The following NBEAL1 variants were observed in gnomAD, a reference collection of about 807,000 sequenced individuals.
The protein encoded by NBEAL1 is neurobeachin-like protein 1.
NBEAL1 carries 273 observed loss-of-function variants against 351.3 expected under a neutral mutation model. The ratio of observed to expected loss-of-function variants is 0.78; its 90% CI spans 0.70 to 0.86. NBEAL1 has a LOEUF of 0.86. Among genes scored for constraint, NBEAL1 ranks in the 40% least tolerant of loss-of-function variants. NBEAL1 has a pLI of 0.00. For synonymous variants in NBEAL1, 1,050 were observed against 1,086.4 expected (o/e 0.97, Z 0.66); for missense variants, 2,961 against 3,201.3 (o/e 0.92, Z 1.81).
intron 2 of NBEAL1, among the ~76,000 whole-genome samples, chr2:203,024,377 A>G (rs767978564): frequency 6.6e-6 from 1 of 151,200 alleles, no homozygotes; most frequent in Non-Finnish European, 1.5e-5. Context: ...GGCCAACATG[A>G]TGTAACCTCA....
At chr2:203,201,817 T>A in intron 50 of NBEAL1, 102 bp downstream of exon 50, 1 of 897,396 alleles carries the variant, frequency 1.1e-6, no homozygotes, top group Non-Finnish European at 1.6e-6. Context: ...ATTTTACCTT[T>A]GAAGCTGAGT....
chr2:203,169,977 A>G lies in NBEAL1; in HGVS notation c.6102+126A>G, dbSNP rs1484773016. 3.7e-5 allele frequency: 23 copies of G among 616,634 alleles called. No individual in the cohort carries two copies. In the South Asian group the frequency reaches 4.4e-4, roughly 12 times the overall value. The allele number at this position is 616,634 out of a possible 1,614,324, so 38.2% of individuals were successfully genotyped here. A position where few individuals can be genotyped will look rare whatever the true frequency, so the allele number is the denominator to read the frequency against. ...TCCATTCAGACTGATCTTTTGAATT[A>G]TCTTTGAATCTTCCTTTGTTTCCCT... On this transcript the variant is annotated intron_variant, in intron 39 of 55. Transcript: ENST00000683969.
chr2:203,065,596 CA>C (rs1483585350), intron 6 of NBEAL1, among the ~76,000 whole-genome samples: 1 of 151,906 alleles, frequency 6.6e-6, no homozygotes, highest in African/African-American at 2.4e-5. Flanking sequence ...ACTAAAAATA[CA>C]AAAAATTAGC....
At chr2:203,057,859 CAG>C (rs948444366) in intron 6 of NBEAL1, among the ~76,000 whole-genome samples, 11 of 140,860 alleles carry the variant, frequency 7.8e-5, no homozygotes, top group African/African-American at 2.9e-4. Flanking sequence ...CTTTTTGAGA[CAG>C]AGTCTTGCTC....
In NBEAL1 at chr2:203,211,049, G is replaced by C. The variant is rs775046078; in HGVS notation, c.7877G>C (p.Gly2626Ala). 47 of 1,607,376 alleles carry C rather than the reference G, an allele frequency of 2.9e-5. No homozygotes were observed. Among genetic ancestry groups the C allele is most frequent in the Non-Finnish European group, 3.8e-5 (45 of 1,176,450 alleles). Residue 2626 changes from glycine (G) to alanine (A), a missense_variant, in exon 54 of 56, where the codon GGA becomes GCA. By Grantham distance (60) the Gly-to-Ala change is moderately conservative. Coordinates refer to ENST00000683969, the MANE Select transcript of NBEAL1 (RefSeq NM_001378026.1). Reference protein sequence around the residue: ...KEQVSDICIIGEHIVTGSIQG... With the variant: ...KEQVSDICIIAEHIVTGSIQG... The stretch of plus-strand genomic sequence containing the variant: ...CAAGTATCAGATATATGTATAATCG[G>C]AGAACACATTGTCACAGGCAGCATA...
chr2:203,185,917 A>G (rs2064884667), intron 44 of NBEAL1, among the ~76,000 whole-genome samples: 1 of 152,238 alleles, frequency 6.6e-6, no homozygotes, highest in South Asian at 2.1e-4. Flanking sequence ...TAACAGTGAG[A>G]AAGAATTTGT....
chr2:203,058,871 A>G (rs933232430), intron 6 of NBEAL1, among the ~76,000 whole-genome samples: 5 of 152,220 alleles, frequency 3.3e-5, no homozygotes, highest in African/African-American at 4.8e-5. Flanking sequence ...AATTACCAGT[A>G]CAGAACTCAA....
chr2:203,052,438 G>A (rs2061339182), intron 4 of NBEAL1: 1 of 152,230 alleles, frequency 6.6e-6, no homozygotes, highest in Non-Finnish European at 1.5e-5. Context: ...ATATTTTAAT[G>A]GTGTCTTTAG....
intron 18 of NBEAL1, among the ~76,000 whole-genome samples, chr2:203,119,399 G>A (rs939420322): frequency 7.2e-6 from 1 of 138,106 alleles, no homozygotes; most frequent in African/African-American, 2.6e-5. Flanking sequence ...GATTACAGGC[G>A]TGAGCCACTG....
At chr2:203,161,560 C>T (rs75568136) in intron 36 of NBEAL1, among the ~76,000 whole-genome samples, 2,294 of 151,604 alleles carry the variant, frequency 0.015, 22 homozygotes, top group Non-Finnish European at 0.021. Context: ...ACTCAGGAGG[C>T]GGAGGTTGCA....
chr2:203,224,197 G>A lies in NBEAL1; in HGVS notation c.*6843G>A, dbSNP rs1393804928. Among the ~76,000 whole-genome samples the A allele has an allele frequency of 6.6e-6, 1 of 151,672 alleles. No homozygotes were observed. Among genetic ancestry groups the A allele is most frequent in the Non-Finnish European group, 1.5e-5 (1 of 67,800 alleles). Reference sequence around the variant, plus strand: ...TTTTTTTCCTATTCTGCTTTTTGCTGCTCTCAAAGACTGTGATTGATGAAC... The same window carrying A: ...TTTTTTTCCTATTCTGCTTTTTGCTACTCTCAAAGACTGTGATTGATGAAC... On this transcript the variant is annotated 3_prime_UTR_variant, in exon 56 of 56. Transcript: ENST00000683969.
At position 203,116,053 on chromosome 2, in the gene NBEAL1, C is replaced by T; in HGVS notation, c.2575C>T (p.Leu859Phe). Residue 859 changes from leucine (L) to phenylalanine (F), a missense_variant, in exon 18 of 56, where the codon CTT becomes TTT. Physicochemically the swap from Leu to Phe is conservative, Grantham distance 22. Transcript: ENST00000683969. ...DMADLPGNIL[L>F]YYTAKACKNS... Reference sequence around the variant, plus strand: ...GGCCGACCTGCCTGGTAACATCCTTCTTTACTACACAGCAAAGGTCAGAGT... The same window carrying T: ...GGCCGACCTGCCTGGTAACATCCTTTTTTACTACACAGCAAAGGTCAGAGT... 5 of 1,553,046 alleles carry T rather than the reference C, an allele frequency of 3.2e-6. No homozygotes were observed. The highest frequency in any genetic ancestry group is 4.4e-6 in the Non-Finnish European group (5 of 1,146,902).
At chr2:203,036,577 T>C (rs953936882) in intron 2 of NBEAL1, among the ~76,000 whole-genome samples, 1 of 149,290 alleles carries the variant, frequency 6.7e-6, no homozygotes, top group Non-Finnish European at 1.5e-5. Flanking sequence ...ATCTTCTTCA[T>C]TGGATAGTTG....
At chr2:203,180,643 C>T (rs1426320230) in intron 43 of NBEAL1, 131 bp downstream of exon 43, 1 of 833,438 alleles carries the variant, frequency 1.2e-6, no homozygotes, top group South Asian at 1.8e-5. Flanking sequence ...TACTTAGTGA[C>T]AGGGCTGAAC....
rs576700682 is a variant in NBEAL1 at position 203,068,303 on chromosome 2, A to G, written c.516-90A>G. ...TAGTTCAAGACACAAATCAAAAGTAATATTAAATTTGTTTTATAATTGTTT... is the reference window on the plus strand; with the variant it reads ...TAGTTCAAGACACAAATCAAAAGTAGTATTAAATTTGTTTTATAATTGTTT... On this transcript the variant is annotated intron_variant, in intron 6 of 55. Transcript: ENST00000683969. 4.2e-5 allele frequency: 25 copies of G among 597,298 alleles called. No homozygotes were observed. In the East Asian group the frequency reaches 4.7e-4, roughly 11 times the overall value. 37.0% of individuals were successfully genotyped at this position (597,298 alleles called of 1,614,324 possible).
At chr2:203,020,853 ACTT>A (rs1574854849) in intron 2 of NBEAL1, among the ~76,000 whole-genome samples, 2 of 152,108 alleles carry the variant, frequency 1.3e-5, no homozygotes, top group African/African-American at 4.8e-5. Flanking sequence ...GTAGTTAACT[ACTT>A]CTTGTCTGAG....
At chr2:203,196,525 G>C (rs908519316) in intron 47 of NBEAL1, among the ~76,000 whole-genome samples, 1 of 152,094 alleles carries the variant, frequency 6.6e-6, no homozygotes, top group Non-Finnish European at 1.5e-5. Flanking sequence ...TTTTCATTTT[G>C]CCTTGTTCAA....
intron 25 of NBEAL1, among the ~76,000 whole-genome samples, chr2:203,131,695 C>G (rs146221217): frequency 6.6e-6 from 1 of 151,994 alleles, no homozygotes; most frequent in Non-Finnish European, 1.5e-5. Flanking sequence ...TTGCAACCTC[C>G]GGCATAAATG....
rs2065956522 is a variant in NBEAL1, at chr2:203,221,759, G to C, written c.*4405G>C. On this transcript the variant is annotated 3_prime_UTR_variant, in exon 56 of 56. Coordinates refer to ENST00000683969, the MANE Select transcript of NBEAL1 (RefSeq NM_001378026.1). ...TTTGTTTTAAACTTGACTCCATCCAGAGCATTGTTCTATAGAGTTTTCCTG... is the reference window on the plus strand; with the variant it reads ...TTTGTTTTAAACTTGACTCCATCCACAGCATTGTTCTATAGAGTTTTCCTG... Among the ~76,000 whole-genome samples, 1 of 152,200 alleles carries C rather than the reference G, an allele frequency of 6.6e-6. No individual in the cohort carries two copies. Among genetic ancestry groups the C allele is most frequent in the Non-Finnish European group, 1.5e-5 (1 of 68,032 alleles).
Sources: gnomAD v4.1 joint callset for allele counts (sites outside exome capture counted in the v4.1 genomes callset) on GRCh38, gnomAD v4.1.1 for gene constraint, MANE v1.5 for transcripts, NCBI Gene and HGNC (gene_info 2026-07-23, HGNC 2026-07-21) for gene names.